MSN: variants seen among roughly 807,000 people sequenced by gnomAD.
The protein encoded by MSN is moesin.
MSN carries 2 observed loss-of-function variants against 48.0 expected under a neutral mutation model. The ratio of observed to expected loss-of-function variants is 0.04; its 90% CI spans 0.02 to 0.13. The LOEUF (loss-of-function observed/expected upper bound fraction) is 0.13. Among genes scored for constraint, MSN ranks in the 10% least tolerant of loss-of-function variants. The probability of loss-of-function intolerance (pLI) is 1.00; values close to 1 mark genes in which losing one functional copy is unlikely to be tolerated. For synonymous variants in MSN, 146 were observed against 166.9 expected, an observed-to-expected ratio of 0.87 and a Z score of 0.97; for missense variants, 267 against 470.1, an observed-to-expected ratio of 0.57 and a Z score of 3.99.
intron 1 of MSN, among the ~76,000 whole-genome samples, chrX:65,691,236 C>G (rs2071169304): frequency 9.0e-6 from 1 of 111,317 alleles, no homozygotes; most frequent in Non-Finnish European, 1.9e-5. Flanking sequence ...TAAAATACCC[C>G]ACACTTTGCA....
chrX:65,697,156 G>A (rs781221257), intron 1 of MSN, among the ~76,000 whole-genome samples: 10 of 109,482 alleles, frequency 9.1e-5, no homozygotes, highest in Non-Finnish European at 1.7e-4. Context: ...TAATGGGGAT[G>A]AGAATTGGAT....
At chrX:65,602,714 C>T (rs764451052) in intron 1 of MSN, among the ~76,000 whole-genome samples, 7 of 111,969 alleles carry the variant, frequency 6.3e-5, no homozygotes, top group Non-Finnish European at 1.1e-4. Flanking sequence ...TCTTTATTGA[C>T]AAAATGAAGA....
rs2071719206 is a variant in MSN at position 65,739,965 on chromosome X, A to T, written c.*72A>T. On this transcript the variant is annotated 3_prime_UTR_variant, in exon 13 of 13. Transcript: ENST00000360270. The stretch of plus-strand genomic sequence containing the variant: ...CACACTCCTACACCTAACTCACCTA[A>T]CTCATACTGTGCTGGAGCCACTAAC... 2.8e-6 allele frequency: 3 copies of T among 1,080,379 alleles called. No individual in the cohort carries two copies. The African/African-American group carries it at 5.5e-5, about 20-fold the overall frequency. 89.0% of individuals were successfully genotyped at this position (1,080,379 alleles called of 1,213,427 possible).
At chrX:65,673,385 C>T (rs767503122) in intron 1 of MSN, among the ~76,000 whole-genome samples, 19 of 111,082 alleles carry the variant, frequency 1.7e-4, no homozygotes, top group Admixed American at 2.9e-4. Flanking sequence ...TTGAGGCCTT[C>T]CTAAGGGCTC....
intron 1 of MSN, among the ~76,000 whole-genome samples, chrX:65,648,689 G>A (rs1018657092): frequency 4.5e-5 from 5 of 110,300 alleles, no homozygotes; most frequent in Non-Finnish European, 9.5e-5. Context: ...TGGCTAACAC[G>A]GTGAAACCCC....
chrX:65,625,003 C>G (rs953061109), intron 1 of MSN: 1 of 111,859 alleles, frequency 8.9e-6, no homozygotes, highest in Non-Finnish European at 1.9e-5. Flanking sequence ...TCATTCATCT[C>G]TAAGTATACT....
At chrX:65,668,662 T>C (rs2070898861) in intron 1 of MSN, among the ~76,000 whole-genome samples, 1 of 111,750 alleles carries the variant, frequency 8.9e-6, no homozygotes, top group African/African-American at 3.3e-5. Context: ...CCACTGGCTG[T>C]TACGAGAGGA....
intron 1 of MSN, among the ~76,000 whole-genome samples, chrX:65,705,636 A>G (rs2071354635): frequency 8.9e-6 from 1 of 111,796 alleles, no homozygotes; most frequent in South Asian, 3.7e-4. Context: ...TTTTTCTTTC[A>G]ATTTTCACCT....
chrX:65,656,680 G>A (rs1340214007), intron 1 of MSN, among the ~76,000 whole-genome samples: 1 of 111,806 alleles, frequency 8.9e-6, no homozygotes, highest in Non-Finnish European at 1.9e-5. Context: ...GGCCAAATGA[G>A]CACTGTGAAC....
chrX:65,588,461 G>A, exon 1 of MSN: 1 of 578,907 alleles, frequency 1.7e-6, no homozygotes, highest in Non-Finnish European at 2.2e-6. Context: ...CCTGGCCCTG[G>A]GGCCTGAGAT....
intron 1 of MSN, among the ~76,000 whole-genome samples, chrX:65,695,531 A>C (rs1396273121): frequency 9.3e-6 from 1 of 107,691 alleles, no homozygotes; most frequent in African/African-American, 3.4e-5. Flanking sequence ...AAAAAAAAAA[A>C]AAACAAAGAA....
At chrX:65,616,814 T>C (rs1456295988) in intron 1 of MSN, among the ~76,000 whole-genome samples, 14 of 109,867 alleles carry the variant, frequency 1.3e-4, no homozygotes, top group Non-Finnish European at 2.1e-4. Context: ...TCCAGTTTTT[T>C]CCCATTCAGT....
At chrX:65,716,385 C>T (rs1259071093) in intron 1 of MSN, 8 of 190,556 alleles carry the variant, frequency 4.2e-5, no homozygotes, top group Non-Finnish European at 8.3e-5. Context: ...CAGTGATTCT[C>T]ATACCCCAGC....
chrX:65,676,021 C>A (rs1314413458), intron 1 of MSN, among the ~76,000 whole-genome samples: 1 of 112,788 alleles, frequency 8.9e-6, no homozygotes, highest in East Asian at 2.7e-4. Flanking sequence ...TACACATGAA[C>A]TAAACCAAAG....
intron 10 of MSN, 76 bp from the exon 11 acceptor site, chrX:65,738,448 AG>A: frequency 1.1e-6 from 1 of 881,675 alleles, no homozygotes; most frequent in Non-Finnish European, 1.6e-6. Context: ...CTAGTCCCCC[AG>A]GGGACTTGGG....
At chrX:65,657,969 T>G (rs138125846) in intron 1 of MSN, among the ~76,000 whole-genome samples, 2 of 112,200 alleles carry the variant, frequency 1.8e-5, no homozygotes, top group Non-Finnish European at 3.8e-5. Context: ...TTTCTACCAA[T>G]GTAACTGTCA....
At chrX:65,718,623 G>A (rs1367734888) in intron 2 of MSN, among the ~76,000 whole-genome samples, 1 of 110,352 alleles carries the variant, frequency 9.1e-6, no homozygotes, top group Non-Finnish European at 1.9e-5. Flanking sequence ...CTCGAGACCA[G>A]CCTGGGTAAC....
intron 1 of MSN, among the ~76,000 whole-genome samples, chrX:65,690,188 G>C (rs778366477): frequency 4.5e-5 from 5 of 112,034 alleles, no homozygotes; most frequent in Non-Finnish European, 9.4e-5. Context: ...TTGGGCAAAG[G>C]TTGATTACTG....
At chrX:65,682,459 G>A (rs1402425064) in intron 1 of MSN, among the ~76,000 whole-genome samples, 2 of 111,860 alleles carry the variant, frequency 1.8e-5, no homozygotes, top group African/African-American at 3.3e-5. Context: ...AGGACTTTAT[G>A]TTTTGTAAGG....
Sources: allele counts gnomAD v4.1 joint callset (sites outside exome capture counted in the v4.1 genomes callset), GRCh38; gene constraint gnomAD v4.1.1; transcripts MANE v1.5; gene names NCBI Gene and HGNC (gene_info 2026-07-23, HGNC 2026-07-21).